The following WDFY3 variants were observed in gnomAD, a reference collection of about 807,000 sequenced individuals.
The protein encoded by WDFY3 is WD repeat and FYVE domain-containing protein 3.
In WDFY3, 66 loss-of-function variants were observed where a neutral mutation model predicts 409.6. The observed-to-expected ratio is 0.16, with a 90% CI of 0.13 to 0.20. The LOEUF (loss-of-function observed/expected upper bound fraction) is 0.20, where lower values mean the gene tolerates loss of function less well. WDFY3 is among the 10% of genes least tolerant of loss of function. The pLI is 1.00. For synonymous variants in WDFY3, 1,521 were observed against 1,537.1 expected, an observed-to-expected ratio of 0.99 and a Z score of 0.25; for missense variants, 3,031 against 4,298.1, an observed-to-expected ratio of 0.71 and a Z score of 8.24.
intron 67 of WDFY3, among the ~76,000 whole-genome samples, chr4:84,676,559 G>A (rs1726332630): frequency 6.6e-6 from 1 of 151,644 alleles, no homozygotes; most frequent in Non-Finnish European, 1.5e-5. Context: ...TTATAGGGAT[G>A]TGCATTGTAG....
intron 13 of WDFY3, among the ~76,000 whole-genome samples, chr4:84,814,177 T>C (rs1245184036): frequency 1.3e-5 from 2 of 152,134 alleles, no homozygotes; most frequent in African/African-American, 4.8e-5. Flanking sequence ...TGGGAAGAAG[T>C]AGATATAAGA....
At chr4:84,924,050 C>A (rs993769737) in intron 2 of WDFY3, among the ~76,000 whole-genome samples, 12 of 152,118 alleles carry the variant, frequency 7.9e-5, no homozygotes, top group African/African-American at 2.9e-4. Context: ...TAAATTCCTA[C>A]AAGCTACATT....
chr4:84,734,074 T>C (rs908624080), intron 43 of WDFY3, among the ~76,000 whole-genome samples: 1 of 152,160 alleles, frequency 6.6e-6, no homozygotes, highest in Non-Finnish European at 1.5e-5. Flanking sequence ...GTGAACTAGG[T>C]AAACATTTCC....
chr4:84,850,926 C>CT lies in WDFY3; in HGVS notation c.181-902dup, dbSNP rs781440189. Among the ~76,000 whole-genome samples the CT allele has an allele frequency of 2.6e-3, 83 of 32,158 alleles. 2 individuals carry two copies. The highest frequency in any genetic ancestry group is 8.3e-3 in the South Asian group (6 of 722). The allele number at this position is 32,158 out of a possible 152,430, so 21.1% of individuals were successfully genotyped here. ...AATTCTTATTTTTAATTTTATTTATCTGTTTTTTTTTTTTTTTTTTTTTTT... is the reference window on the plus strand; with the variant it reads ...AATTCTTATTTTTAATTTTATTTATCTTGTTTTTTTTTTTTTTTTTTTTTTT... On this transcript the variant is annotated intron_variant, in intron 4 of 67. Transcript: ENST00000295888.
At chr4:84,728,178 G>T (rs1281643999) in intron 44 of WDFY3, among the ~76,000 whole-genome samples, 1 of 151,984 alleles carries the variant, frequency 6.6e-6, no homozygotes, top group Non-Finnish European at 1.5e-5. Context: ...TGAAGAAAAC[G>T]GATTCTTCAA....
At position 84,817,555 on chromosome 4, in the gene WDFY3, C is replaced by T; in HGVS notation, c.1724G>A (p.Cys575Tyr). The T allele has an allele frequency of 6.2e-7, 1 of 1,604,370 alleles. No homozygotes were observed. The highest frequency in any genetic ancestry group is 8.5e-7 in the Non-Finnish European group (1 of 1,175,724). The change falls in exon 13 of 68, where the codon TGT becomes TAT. Residue 575 changes from cysteine to tyrosine, a missense_variant. This residue lies in a region of WDFY3 where 1,322 missense variants were observed against 1,697.9 expected (regional missense o/e 0.78). Transcript: ENST00000295888. ...GIFREFGGARCAHNIVKYPQC... is the reference protein window; with the variant it reads ...GIFREFGGARYAHNIVKYPQC... ...AGGGTACTTTACTATATTATGTGCA[C>T]ATCTTGCACCTCCAAATTCTCGAAA...
chr4:84,710,274 T>C (rs182370313), intron 51 of WDFY3, among the ~76,000 whole-genome samples: 10 of 152,302 alleles, frequency 6.6e-5, no homozygotes, highest in Non-Finnish European at 1.0e-4. Context: ...ATTCTGTACA[T>C]AGTAGGTACA....
At chr4:84,777,275 A>G (rs1370355181) in intron 27 of WDFY3, among the ~76,000 whole-genome samples, 3 of 152,048 alleles carry the variant, frequency 2.0e-5, no homozygotes, top group South Asian at 4.1e-4. Flanking sequence ...TTGAGGATCA[A>G]CTCCACAGAG....
chr4:84,739,595 C>A (rs1365949401), intron 39 of WDFY3, among the ~76,000 whole-genome samples: 3 of 152,110 alleles, frequency 2.0e-5, no homozygotes, highest in Non-Finnish European at 4.4e-5. Context: ...TCCTCCCCAA[C>A]CAGGTCTCAA....
At chr4:84,833,473 T>C (rs1756058435) in intron 7 of WDFY3, among the ~76,000 whole-genome samples, 1 of 151,902 alleles carries the variant, frequency 6.6e-6, no homozygotes. Context: ...GTCCAGGAGT[T>C]TGAGACCAGC....
In WDFY3 at chr4:84,721,532, A is replaced by C. The variant is rs1473083490; in HGVS notation, c.7482T>G (p.Pro2494=). ...KPPLKRSRSA[P]DGGDEENQEQ... ...CCTGGTTCTCCTCATCTCCTCCATC[A>C]GGTGCAGATCGGGAGCGTTTTAGAG... The change falls in exon 47 of 68, where the codon CCT becomes CCG. Residue 2494 remains proline (P), a synonymous_variant. Transcript: ENST00000295888. 6.2e-7 allele frequency: 1 copy of C among 1,610,780 alleles called. No homozygotes were observed.
intron 3 of WDFY3, among the ~76,000 whole-genome samples, chr4:84,868,884 T>C (rs923250837): frequency 2.6e-5 from 4 of 152,196 alleles, no homozygotes; most frequent in South Asian, 4.1e-4. Flanking sequence ...ATGGAATAAA[T>C]AAACTTTGGA....
chr4:84,705,965 C>A (rs1458171936), intron 53 of WDFY3, among the ~76,000 whole-genome samples: 1 of 138,848 alleles, frequency 7.2e-6, no homozygotes, highest in Non-Finnish European at 1.5e-5. Flanking sequence ...AACGTTACTT[C>A]TGAGCATTTT....
At chr4:84,715,605 T>C (rs1733738916) in intron 49 of WDFY3, among the ~76,000 whole-genome samples, 1 of 151,660 alleles carries the variant, frequency 6.6e-6, no homozygotes, top group Non-Finnish European at 1.5e-5. Flanking sequence ...AAACCCCGTC[T>C]CTACTAAAAA....
chr4:84,737,504 G>A, intron 40 of WDFY3, 138 bp from the exon 41 acceptor site: 1 of 1,013,768 alleles, frequency 9.9e-7, no homozygotes, highest in South Asian at 2.3e-5. Flanking sequence ...CAAAGCTCAT[G>A]TTGTATCTAG....
intron 45 of WDFY3, 108 bp from the exon 46 acceptor site, chr4:84,724,702 CT>C (rs1225189968): frequency 8.1e-7 from 1 of 1,230,670 alleles, no homozygotes; most frequent in Non-Finnish European, 1.1e-6. Context: ...TTTAAAGGGG[CT>C]TTTCATAGAC....
At chr4:84,943,421 G>C (rs6815917) in intron 1 of WDFY3, among the ~76,000 whole-genome samples, 2 of 151,766 alleles carry the variant, frequency 1.3e-5, no homozygotes, top group African/African-American at 4.8e-5. Context: ...GGAGAATGGC[G>C]TGAACCAGGG....
intron 44 of WDFY3, among the ~76,000 whole-genome samples, chr4:84,732,585 G>T (rs963146275): frequency 1.3e-5 from 2 of 152,216 alleles, no homozygotes; most frequent in East Asian, 3.9e-4. Context: ...TTCTGAGTTT[G>T]ATTGTTTTAG....
At chr4:84,906,762 T>C (rs955552396) in intron 2 of WDFY3, among the ~76,000 whole-genome samples, 22 of 150,182 alleles carry the variant, frequency 1.5e-4, no homozygotes, top group South Asian at 2.1e-4. Context: ...CATTATGAGA[T>C]ATTTTGTGAT....
Sources: allele counts gnomAD v4.1 joint callset (sites outside exome capture counted in the v4.1 genomes callset), GRCh38; gene constraint gnomAD v4.1.1; regional missense constraint gnomAD v4.1.1; transcripts MANE v1.5; gene names NCBI Gene and HGNC (gene_info 2026-07-23, HGNC 2026-07-21).